GFRA1: variants seen among roughly 807,000 people sequenced by gnomAD.
GFRA1 encodes GDNF family receptor alpha 1, also known as GDNF family receptor alpha-1.
In GFRA1, 16 loss-of-function variants were observed where a neutral mutation model predicts 51.6. The ratio of observed to expected loss-of-function variants is 0.31; its 90% CI spans 0.21 to 0.47. The LOEUF (loss-of-function observed/expected upper bound fraction) is 0.47, where lower values mean the gene tolerates loss of function less well. Among genes scored for constraint, GFRA1 ranks in the 20% least tolerant of loss-of-function variants. GFRA1 has a pLI of 1.00. For missense variants in GFRA1, 530 were observed against 594.3 expected (o/e 0.89, Z 1.13); for synonymous variants, 270 against 241.3 (o/e 1.12, Z -1.10).
intron 5 of GFRA1, among the ~76,000 whole-genome samples, chr10:116,168,058 T>C (rs903831106): frequency 2.0e-5 from 3 of 151,938 alleles, no homozygotes; most frequent in Non-Finnish European, 4.4e-5. Context: ...AATTCATCAA[T>C]GCAACCAAAA....
chr10:116,227,395 A>G (rs1437672972), intron 4 of GFRA1, among the ~76,000 whole-genome samples: 1 of 152,232 alleles, frequency 6.6e-6, no homozygotes. Context: ...TAATGTGGCC[A>G]GCGTCATGGT....
intron 5 of GFRA1, among the ~76,000 whole-genome samples, chr10:116,136,751 C>T (rs938162911): frequency 6.6e-5 from 10 of 152,132 alleles, no homozygotes; most frequent in African/African-American, 1.9e-4. Context: ...AAGCCTGAGG[C>T]ATGTGTTCTT....
At chr10:116,237,549 G>A (rs1049723998) in intron 4 of GFRA1, among the ~76,000 whole-genome samples, 1 of 123,700 alleles carries the variant, frequency 8.1e-6, no homozygotes, top group Non-Finnish European at 1.7e-5. Flanking sequence ...TACTCGAATA[G>A]ATTAATGAAC....
At chr10:116,067,734 G>A (rs575963805) in intron 9 of GFRA1, among the ~76,000 whole-genome samples, 2 of 152,124 alleles carry the variant, frequency 1.3e-5, no homozygotes, top group Admixed American at 1.3e-4. Flanking sequence ...GCCTGCATAG[G>A]TAGATTTCTG....
chr10:116,142,715 T>C (rs1046353245), intron 5 of GFRA1, among the ~76,000 whole-genome samples: 1 of 152,160 alleles, frequency 6.6e-6, no homozygotes, highest in African/African-American at 2.4e-5. Context: ...AACTATTGAT[T>C]AATAATGTTT....
At chr10:116,179,104 G>C (rs1161622871) in intron 5 of GFRA1, among the ~76,000 whole-genome samples, 1 of 152,184 alleles carries the variant, frequency 6.6e-6, no homozygotes, top group African/African-American at 2.4e-5. Flanking sequence ...GTATAGTCCA[G>C]ACGAGAAGAC....
chr10:116,151,422 G>A (rs1959059715), intron 5 of GFRA1, among the ~76,000 whole-genome samples: 1 of 152,124 alleles, frequency 6.6e-6, no homozygotes, highest in Admixed American at 6.6e-5. Flanking sequence ...AGGCCAAATG[G>A]GGAAGGGGCA....
Position 116,061,966 on chromosome 10 carries a change from T to C in GFRA1, c.*2432A>G. On this transcript the variant is annotated 3_prime_UTR_variant, in exon 11 of 11. Coordinates refer to ENST00000355422, the MANE Select transcript of GFRA1 (RefSeq NM_005264.8). The stretch of plus-strand genomic sequence containing the variant: ...TCCCCCTATTTATTTAATCAGCAAC[T>C]GATTTTCAAATTGAGGAGCTGGTAA... 2.5e-6 allele frequency: 1 copy of C among 398,630 alleles called. No individual in the cohort carries two copies. Among genetic ancestry groups the C allele is most frequent in the Non-Finnish European group, 4.4e-6 (1 of 226,040 alleles). 24.7% of individuals were successfully genotyped at this position (398,630 alleles called of 1,614,324 possible). A position where few individuals can be genotyped will look rare whatever the true frequency, so the allele number is the denominator to read the frequency against.
intron 9 of GFRA1, among the ~76,000 whole-genome samples, chr10:116,082,584 G>A (rs1955898626): frequency 6.6e-6 from 1 of 152,036 alleles, no homozygotes; most frequent in Admixed American, 6.6e-5. Flanking sequence ...GGATTCAAGC[G>A]ATTCTCCTGC....
chr10:116,218,792 C>G (rs982577301), intron 4 of GFRA1, among the ~76,000 whole-genome samples: 2 of 152,180 alleles, frequency 1.3e-5, no homozygotes, highest in Non-Finnish European at 2.9e-5. Flanking sequence ...AAATGACAAC[C>G]GCTCTTTAAT....
At chr10:116,135,114 G>A (rs1958267230) in intron 5 of GFRA1, among the ~76,000 whole-genome samples, 2 of 152,180 alleles carry the variant, frequency 1.3e-5, no homozygotes, top group South Asian at 4.1e-4. Flanking sequence ...GATGCTTCAG[G>A]TGAGGCGCCT....
At chr10:116,077,540 T>A (rs1435703363) in intron 9 of GFRA1, among the ~76,000 whole-genome samples, 3 of 152,256 alleles carry the variant, frequency 2.0e-5, no homozygotes, top group African/African-American at 7.2e-5. Context: ...TACAGCCAGC[T>A]ATAAAATGCC....
intron 5 of GFRA1, among the ~76,000 whole-genome samples, chr10:116,198,511 G>A (rs996950719): frequency 4.6e-5 from 7 of 152,154 alleles, no homozygotes; most frequent in Non-Finnish European, 8.8e-5. Context: ...TTTAATTTCC[G>A]ATATTTACAT....
At chr10:116,220,268 G>C (rs1358916087) in intron 4 of GFRA1, among the ~76,000 whole-genome samples, 1 of 151,994 alleles carries the variant, frequency 6.6e-6, no homozygotes, top group African/African-American at 2.4e-5. Flanking sequence ...TTACCTTTTT[G>C]AATCAAGTTT....
chr10:116,065,540 A>C lies in GFRA1; in HGVS notation c.1251+33T>G, dbSNP rs973732329. On this transcript the variant is annotated intron_variant, in intron 10 of 10. Transcript: ENST00000355422. ...GGGGCCCAAAGGCTATGTTTCTATA[A>C]ATGCACGAAGCCTCCAAAAGAAACA... The C allele has an allele frequency of 5.1e-6, 8 of 1,573,484 alleles. No homozygotes were observed. The African/African-American group carries it at 6.7e-5, about 13-fold the overall frequency.
intron 5 of GFRA1, among the ~76,000 whole-genome samples, chr10:116,182,627 T>A (rs1962344678): frequency 1.3e-5 from 2 of 152,240 alleles, no homozygotes; most frequent in African/African-American, 2.4e-5. Flanking sequence ...AGCAGCTCAG[T>A]GACACAGGTG....
At chr10:116,269,707 G>A in intron 3 of GFRA1, 121 bp from the exon 4 acceptor site, 1 of 712,524 alleles carries the variant, frequency 1.4e-6, no homozygotes, top group Non-Finnish European at 2.6e-6. Context: ...CTGAAACTTT[G>A]AAAGATTTCA....
chr10:116,238,652 C>A (rs939424952), intron 4 of GFRA1, among the ~76,000 whole-genome samples: 1 of 152,086 alleles, frequency 6.6e-6, no homozygotes, highest in Non-Finnish European at 1.5e-5. Context: ...GGTTGTAATC[C>A]GCTCAATGAA....
intron 9 of GFRA1, among the ~76,000 whole-genome samples, chr10:116,082,085 T>C (rs901447212): frequency 6.6e-6 from 1 of 152,216 alleles, no homozygotes. Context: ...CCGTCTTTTC[T>C]GCAACCAAGA....
Sources: gnomAD v4.1 joint callset for allele counts (sites outside exome capture counted in the v4.1 genomes callset) on GRCh38, gnomAD v4.1.1 for gene constraint, MANE v1.5 for transcripts, NCBI Gene and HGNC (gene_info 2026-07-23, HGNC 2026-07-21) for gene names.